Variants in SHQ1 observed in about 807,000 individuals in gnomAD.
SHQ1 encodes protein SHQ1 homolog.
Under a neutral mutation model 53.8 loss-of-function variants are expected in SHQ1, and 49 were observed. The observed-to-expected ratio is 0.91, with a 90% CI of 0.72 to 1.16. SHQ1 has a LOEUF of 1.16. Among genes scored for constraint, SHQ1 ranks in the 50% most tolerant of loss-of-function variants. SHQ1 has a pLI of 0.00. For synonymous variants in SHQ1, 243 were observed against 251.0 expected (o/e 0.97, Z 0.30); for missense variants, 738 against 683.1 (o/e 1.08, Z -0.90).
intron 1 of SHQ1, chr3:72,846,298 C>CTTTTT (rs745807243): frequency 4.9e-6 from 7 of 1,424,040 alleles, no homozygotes; most frequent in African/African-American, 4.6e-5. Context: ...ACTGTATGTT[C>CTTTTT]TTTTTTTTTT....
chr3:72,809,362 T>C (rs1707049728), intron 9 of SHQ1, among the ~76,000 whole-genome samples: 1 of 151,716 alleles, frequency 6.6e-6, no homozygotes, highest in Non-Finnish European at 1.5e-5. Context: ...TCTAAAGTGA[T>C]AGAAAAAGTT....
At chr3:72,792,071 C>T (rs893961558) in intron 10 of SHQ1, among the ~76,000 whole-genome samples, 1 of 152,188 alleles carries the variant, frequency 6.6e-6, no homozygotes, top group Non-Finnish European at 1.5e-5. Flanking sequence ...TCAGACCCTT[C>T]CATACATGCA....
the SHQ1 span, among the ~76,000 whole-genome samples, chr3:72,739,251 G>A: frequency 1.3e-5 from 2 of 152,176 alleles, no homozygotes; most frequent in Non-Finnish European, 2.9e-5. Context: ...GCTCAACGTG[G>A]CAACGCCCCT....
At chr3:72,778,388 G>A (rs1042402648) in intron 10 of SHQ1, among the ~76,000 whole-genome samples, 6 of 151,952 alleles carry the variant, frequency 3.9e-5, no homozygotes, top group African/African-American at 1.2e-4. Context: ...GTTTGAGGCT[G>A]CAGTGACCTA....
intron 8 of SHQ1, among the ~76,000 whole-genome samples, chr3:72,813,253 G>C (rs1297511966): frequency 1.3e-5 from 2 of 151,636 alleles, no homozygotes; most frequent in African/African-American, 4.8e-5. Context: ...GATCACCTGA[G>C]GTCAGGAGTT....
chr3:72,792,902 CTA>C lies in SHQ1; in HGVS notation c.1181+12_1181+13del, dbSNP rs1487775963. On this transcript the variant is annotated intron_variant, in intron 10 of 10. Coordinates refer to ENST00000325599, the MANE Select transcript of SHQ1 (RefSeq NM_018130.3). ...AACATCTAAAAATTCGTAAGTAACT[CTA>C]TGAAAACTTACTTGACTTTCTGAAT... is the stretch of plus-strand genomic sequence containing the variant. 6.4e-7 allele frequency: 1 copy of C among 1,573,636 alleles called. No individual in the cohort carries two copies. Among genetic ancestry groups the C allele is most frequent in the Non-Finnish European group, 8.6e-7 (1 of 1,157,036 alleles).
At chr3:72,764,243 C>T (rs1309942835) in intron 10 of SHQ1, among the ~76,000 whole-genome samples, 3 of 152,048 alleles carry the variant, frequency 2.0e-5, no homozygotes, top group Non-Finnish European at 2.9e-5. Flanking sequence ...AGTGCAGTGG[C>T]GCAATCACAG....
intron 6 of SHQ1, among the ~76,000 whole-genome samples, chr3:72,817,610 A>G (rs1707357776): frequency 6.6e-6 from 1 of 152,212 alleles, no homozygotes; most frequent in Admixed American, 6.5e-5. Flanking sequence ...TCTAAATAAT[A>G]CCTATTCCTT....
chr3:72,735,211 T>C, the SHQ1 span, among the ~76,000 whole-genome samples: 1 of 151,700 alleles, frequency 6.6e-6, no homozygotes, highest in African/African-American at 2.4e-5. Flanking sequence ...CTGCCTAACA[T>C]ATCACCCCAA....
intron 5 of SHQ1, among the ~76,000 whole-genome samples, chr3:72,830,837 T>G (rs189051847): frequency 1.3e-5 from 2 of 152,214 alleles, no homozygotes; most frequent in Admixed American, 1.3e-4. Context: ...TGGAGAAAAA[T>G]AAGGGCTGCT....
chr3:72,760,286 A>T (rs1705579598), intron 10 of SHQ1, among the ~76,000 whole-genome samples: 1 of 152,228 alleles, frequency 6.6e-6, no homozygotes, highest in Non-Finnish European at 1.5e-5. Context: ...GAAGGAAATG[A>T]TATACTAGAA....
chr3:72,763,489 G>A (rs1288965975), intron 10 of SHQ1, among the ~76,000 whole-genome samples: 1 of 152,170 alleles, frequency 6.6e-6, no homozygotes. Flanking sequence ...ACTATGGGTT[G>A]AACTGTGTCC....
chr3:72,748,093 A>C (rs1347815717), downstream of SHQ1, among the ~76,000 whole-genome samples: 1 of 151,902 alleles, frequency 6.6e-6, no homozygotes, highest in Non-Finnish European at 1.5e-5. Context: ...ATAATTCATA[A>C]GGCATGGTGG....
the SHQ1 span, among the ~76,000 whole-genome samples, chr3:72,739,889 A>C: frequency 6.6e-6 from 1 of 152,226 alleles, no homozygotes; most frequent in African/African-American, 2.4e-5. Context: ...CTCACTGGGC[A>C]GGAATGGCCC....
the SHQ1 span, among the ~76,000 whole-genome samples, chr3:72,727,345 G>A: frequency 6.6e-6 from 1 of 151,990 alleles, no homozygotes; most frequent in Non-Finnish European, 1.5e-5. Context: ...ACCCAACCTC[G>A]TGCAGTTCCA....
chr3:72,779,644 G>A (rs1706033160), intron 10 of SHQ1, among the ~76,000 whole-genome samples: 3 of 152,100 alleles, frequency 2.0e-5, no homozygotes, highest in Admixed American at 2.0e-4. Context: ...TTGAATGAAT[G>A]GACTGATGAA....
At chr3:72,795,480 C>G (rs1373200219) in intron 9 of SHQ1, 2 of 152,158 alleles carry the variant, frequency 1.3e-5, no homozygotes, top group East Asian at 1.9e-4. Flanking sequence ...GTTTGCCACA[C>G]TAGCCATGTT....
intron 10 of SHQ1, among the ~76,000 whole-genome samples, chr3:72,763,038 C>G (rs1247225839): frequency 7.3e-6 from 1 of 137,466 alleles, no homozygotes; most frequent in Non-Finnish European, 1.6e-5. Flanking sequence ...CACACACACA[C>G]ACACACACAC....
chr3:72,843,790 T>C (rs940869086), intron 2 of SHQ1, among the ~76,000 whole-genome samples: 1 of 152,050 alleles, frequency 6.6e-6, no homozygotes, highest in East Asian at 1.9e-4. Flanking sequence ...AGGTCAATAT[T>C]CATTGAATAA....
Sources: gnomAD v4.1 joint callset for allele counts (sites outside exome capture counted in the v4.1 genomes callset) on GRCh38, gnomAD v4.1.1 for gene constraint, MANE v1.5 for transcripts, NCBI Gene and HGNC (gene_info 2026-07-23, HGNC 2026-07-21) for gene names.